MROH7: variants seen among roughly 807,000 people sequenced by gnomAD.
The protein encoded by MROH7 is maestro heat like repeat family member 7.
A neutral mutation model predicts 129.2 loss-of-function variants in MROH7; 113 were observed. The observed-to-expected ratio is 0.87, with a 90% confidence interval of 0.75 to 1.02. The LOEUF (loss-of-function observed/expected upper bound fraction) is 1.02. Among genes scored for constraint, MROH7 ranks in the 50% least tolerant of loss-of-function variants. The pLI is 0.00. For synonymous variants in MROH7, 655 were observed against 667.9 expected (o/e 0.98, Z 0.30); for missense variants, 1,601 against 1,671.3 (o/e 0.96, Z 0.73).
chr1:54,706,479 C>T lies in MROH7; in HGVS notation c.3609C>T (p.Ser1203=). The T allele has an allele frequency of 6.2e-7, 1 of 1,613,740 alleles. No individual in the cohort carries two copies. The highest frequency in any genetic ancestry group is 8.5e-7 in the Non-Finnish European group (1 of 1,179,954). ...GCGCCTTCATATTCCTCAGCCAGAG[C>T]CTGGAGTATGCCAAGAACTCACGGG... The part of the protein sequence containing the change: ...RDSAFIFLSQ[S]LEYAKNSRAS... The change falls in exon 22 of 24, where the codon AGC becomes AGT. Residue 1203 remains serine (S), a synonymous_variant. Coordinates refer to ENST00000421030, the MANE Select transcript of MROH7 (RefSeq NM_001039464.4).
rs527785307 is a variant in MROH7, at chr1:54,686,255, T to C, written c.2521-3T>C. ...TCCCAGCAGCCTCCCCTCTGCCCCA[T>C]AGGCAGCCAGCGGCCTGTGCGAGCT... On this transcript the variant is annotated splice_polypyrimidine_tract_variant and splice_region_variant and intron_variant, in intron 14 of 23. Coordinates refer to ENST00000421030, the MANE Select transcript of MROH7 (RefSeq NM_001039464.4). The C allele has an allele frequency of 3.7e-6, 6 of 1,610,500 alleles. No homozygotes were observed. Among genetic ancestry groups the C allele is most frequent in the South Asian group, 3.3e-5 (3 of 90,514 alleles).
At chr1:54,659,103 G>GTT in intron 3 of MROH7, 1 of 430,640 alleles carries the variant, frequency 2.3e-6, no homozygotes, top group Non-Finnish European at 4.6e-6. Context: ...TGTTTGTTTT[G>GTT]TTTTTTTTTA....
intron 15 of MROH7, among the ~76,000 whole-genome samples, chr1:54,689,932 G>A (rs1645207733): frequency 6.6e-6 from 1 of 152,168 alleles, no homozygotes; most frequent in South Asian, 2.1e-4. Context: ...AGAGATCAAG[G>A]CTGCAGTGAA....
intron 12 of MROH7, 28 bp from the exon 13 acceptor site, chr1:54,679,863 G>C (rs748941677): frequency 6.3e-7 from 1 of 1,593,716 alleles, no homozygotes; most frequent in Non-Finnish European, 8.5e-7. Context: ...CAGTCCCCTT[G>C]CTCATGGCTG....
At chr1:54,693,866 G>C (rs1309786791) in intron 16 of MROH7, among the ~76,000 whole-genome samples, 15 of 152,318 alleles carry the variant, frequency 9.8e-5, no homozygotes, top group Admixed American at 7.2e-4. Flanking sequence ...CACCGTGACT[G>C]ATGAAATAGC....
chr1:54,675,788 G>T (rs1644970889), intron 10 of MROH7, among the ~76,000 whole-genome samples: 1 of 150,552 alleles, frequency 6.6e-6, no homozygotes, highest in African/African-American at 2.4e-5. Flanking sequence ...TTTTGGTAGA[G>T]ATGGGGTTTC....
intron 15 of MROH7, among the ~76,000 whole-genome samples, chr1:54,688,747 C>T (rs1226657847): frequency 2.0e-5 from 3 of 152,118 alleles, no homozygotes; most frequent in South Asian, 2.1e-4. Context: ...TCGTAGGTGC[C>T]GCCCTGAGAG....
intron 12 of MROH7, 68 bp downstream of exon 12, chr1:54,679,507 A>C: frequency 2.0e-6 from 3 of 1,519,440 alleles, no homozygotes; most frequent in Non-Finnish European, 2.7e-6. Context: ...TGGCCTGCTC[A>C]TCACTGGCCG....
chr1:54,688,341 G>A (rs953641339), intron 15 of MROH7, among the ~76,000 whole-genome samples: 1 of 151,580 alleles, frequency 6.6e-6, no homozygotes, highest in Non-Finnish European at 1.5e-5. Flanking sequence ...CAAAGTGCTA[G>A]GATTATAGGT....
At chr1:54,694,697 C>T (rs1232230517) in intron 16 of MROH7, among the ~76,000 whole-genome samples, 2 of 152,058 alleles carry the variant, frequency 1.3e-5, no homozygotes, top group Non-Finnish European at 2.9e-5. Context: ...CTCAAACTCC[C>T]AACCTCAAAT....
Position 54,686,447 on chromosome 1 carries a change from C to A in MROH7, c.2710C>A (p.Arg904Ser), listed in dbSNP as rs776173828. The A allele has an allele frequency of 1.2e-6, 2 of 1,613,384 alleles. No individual in the cohort carries two copies. Among genetic ancestry groups the A allele is most frequent in the African/African-American group, 1.3e-5 (1 of 74,910 alleles). Reference protein sequence around the residue: ...GAQPSPFVPVRWVVKVVKTLL... With the variant: ...GAQPSPFVPVSWVVKVVKTLL... ...ACAGCCCTCTCCCTTCGTACCTGTGCGGTATGCTCTGCCCTCTCTCTTGAC... is the reference window on the plus strand; with the variant it reads ...ACAGCCCTCTCCCTTCGTACCTGTGAGGTATGCTCTGCCCTCTCTCTTGAC... The change falls in exon 15 of 24, where the codon CGC (arginine) becomes AGC (serine). Residue 904 changes from arginine (R) to serine (S), a missense_variant and splice_region_variant. Physicochemically the swap from Arg to Ser is moderately radical, Grantham distance 110. Transcript: ENST00000421030.
intron 17 of MROH7, 35 bp downstream of exon 17, chr1:54,695,525 T>A: frequency 1.4e-6 from 2 of 1,413,706 alleles, no homozygotes; most frequent in Non-Finnish European, 2.0e-6. Context: ...CAGCGGGAGC[T>A]CCTCCCGGGC....
chr1:54,697,467 G>A, intron 17 of MROH7: 1 of 517,938 alleles, frequency 1.9e-6, no homozygotes. Flanking sequence ...TCACCTCCAG[G>A]GAGAGCAAAC....
rs116681549 is a variant in MROH7 at position 54,657,721 on chromosome 1, T to C, written c.1231+3564T>C. On this transcript the variant is annotated intron_variant, in intron 3 of 23. Transcript: ENST00000421030. ...TTTTGAGATGGAGTCTTGATTGCAG[T>C]GGTGTGATCCTAGCTCACTGCAACC... is the stretch of plus-strand genomic sequence containing the variant. Among the ~76,000 whole-genome samples the C allele has an allele frequency of 3.9e-3, 596 of 151,582 alleles. 5 individuals carry two copies. The highest frequency in any genetic ancestry group is 0.014 in the African/African-American group (576 of 41,302).
intron 6 of MROH7, 39 bp from the exon 7 acceptor site, chr1:54,670,759 CCT>C (rs774047386): frequency 1.1e-5 from 17 of 1,607,402 alleles, no homozygotes; most frequent in Non-Finnish European, 1.4e-5. Context: ...CCATAGGGCC[CCT>C]CTCTCACTCC....
intron 23 of MROH7, among the ~76,000 whole-genome samples, 153 bp downstream of exon 23, chr1:54,709,229 G>T (rs1305571232): frequency 6.6e-6 from 1 of 152,120 alleles, no homozygotes; most frequent in Non-Finnish European, 1.5e-5. Flanking sequence ...TTGTTTGTTT[G>T]TTTGTTTTGA....
chr1:54,683,845 G>A (rs1645107837), intron 14 of MROH7, among the ~76,000 whole-genome samples: 1 of 152,074 alleles, frequency 6.6e-6, no homozygotes. Flanking sequence ...CACTTCCTTA[G>A]GGAAGCCCTC....
At chr1:54,663,259 C>G (rs1173518940) in intron 3 of MROH7, among the ~76,000 whole-genome samples, 1 of 151,944 alleles carries the variant, frequency 6.6e-6, no homozygotes, top group Admixed American at 6.6e-5. Context: ...GGCTATAATC[C>G]GTTTTTTTCA....
intron 17 of MROH7, chr1:54,699,173 T>G (rs796754382): frequency 0.083 from 9,955 of 119,508 alleles, 904 homozygotes; most frequent in Non-Finnish European, 0.12. Flanking sequence ...CTTTCTTTCT[T>G]TCTTTCTTTC....
Sources: allele counts gnomAD v4.1 joint callset (sites outside exome capture counted in the v4.1 genomes callset), GRCh38; gene constraint gnomAD v4.1.1; transcripts MANE v1.5; gene names NCBI Gene and HGNC (gene_info 2026-07-23, HGNC 2026-07-21).